ACTN4: variants seen among roughly 807,000 people sequenced by gnomAD.
ACTN4 encodes the protein alpha-actinin-4.
ACTN4 carries 18 observed loss-of-function variants against 114.2 expected under a neutral mutation model. The ratio of observed to expected loss-of-function variants is 0.16; its 90% confidence interval spans 0.11 to 0.23. The LOEUF (loss-of-function observed/expected upper bound fraction) is 0.23, where lower values mean the gene tolerates loss of function less well. Ranked by LOEUF, ACTN4 falls within the 10% of genes least tolerant of loss-of-function variation. ACTN4 has a pLI of 1.00. For synonymous variants in ACTN4, 515 were observed against 506.3 expected, an observed-to-expected ratio of 1.02 and a Z score of -0.23; for missense variants, 722 against 1,262.9, an observed-to-expected ratio of 0.57 and a Z score of 6.49.
At chr19:38,651,943 A>T (rs978344979) in intron 1 of ACTN4, among the ~76,000 whole-genome samples, 5 of 152,056 alleles carry the variant, frequency 3.3e-5, no homozygotes, top group Admixed American at 3.3e-4. Flanking sequence ...CATGTTGGCC[A>T]GGCTGGTCTG....
At position 38,727,111 on chromosome 19, in the gene ACTN4, G is replaced by A. The variant is rs1969260528; in HGVS notation, c.2337+8G>A. 6.2e-7 allele frequency: 1 copy of A among 1,613,652 alleles called. No individual in the cohort carries two copies. Among genetic ancestry groups the A allele is most frequent in the African/African-American group, 1.3e-5 (1 of 74,926 alleles). On this transcript the variant is annotated splice_region_variant and intron_variant, in intron 18 of 20. Transcript: ENST00000252699. This position sits in a 1 kb window ranked among gnomAD's most constrained non-coding sequence, Gnocchi z 5.4. Reference sequence around the variant, plus strand: ...TTCAACCACTTCGACAAGGTGAGCAGCCTGCCACCTCCTCGGCCTCTCCCC... The same window carrying A: ...TTCAACCACTTCGACAAGGTGAGCAACCTGCCACCTCCTCGGCCTCTCCCC...
Position 38,727,222 on chromosome 19 carries a change from T to G in ACTN4, c.2337+119T>G. The G allele has an allele frequency of 6.8e-7, 1 of 1,473,894 alleles. No individual in the cohort carries two copies. The highest frequency in any genetic ancestry group is 9.3e-7 in the Non-Finnish European group (1 of 1,078,242). The allele number at this position is 1,473,894 out of a possible 1,614,324, so 91.3% of individuals were successfully genotyped here. On this transcript the variant is annotated intron_variant, in intron 18 of 20. Transcript: ENST00000252699. This position sits in a 1 kb window ranked among gnomAD's most constrained non-coding sequence, Gnocchi z 5.4. ...ACAGTTGCTGAGCGTCGGCCGCCAC[T>G]CCCAGGGCCAGCAGGGCCCTGCCAC...
intron 12 of ACTN4, among the ~76,000 whole-genome samples, chr19:38,722,253 C>T (rs1298740097): frequency 4.6e-5 from 7 of 152,174 alleles, no homozygotes; most frequent in African/African-American, 7.2e-5. Context: ...ACCAGTGCAG[C>T]GGCCAGCAGC....
In ACTN4 at chr19:38,655,969, A is replaced by C. The variant is rs116139203; in HGVS notation, c.162+8062A>C. Among the ~76,000 whole-genome samples, 1,061 of 152,328 alleles carry C rather than the reference A, an allele frequency of 7.0e-3. 11 individuals are homozygous for C. The highest frequency in any genetic ancestry group is 0.024 in the African/African-American group (1,006 of 41,572). On this transcript the variant is annotated intron_variant, in intron 1 of 20. Coordinates refer to ENST00000252699, the MANE Select transcript of ACTN4 (RefSeq NM_004924.6). ...GTACATGTTCAGTGCAGATGCAACC[A>C]TTCATTTTTTTTCTTCCAGTATTTT...
intron 1 of ACTN4, among the ~76,000 whole-genome samples, chr19:38,686,795 G>A (rs1055908656): frequency 3.3e-4 from 51 of 152,264 alleles, no homozygotes; most frequent in African/African-American, 1.2e-3. Context: ...TGGTTGGTTG[G>A]TTGGTTGGTT....
At chr19:38,664,045 C>G (rs904057576) in intron 1 of ACTN4, among the ~76,000 whole-genome samples, 3 of 152,220 alleles carry the variant, frequency 2.0e-5, no homozygotes, top group Admixed American at 2.0e-4. Context: ...GATGACCACG[C>G]GCAGCCGGAA....
At position 38,730,696 on chromosome 19, in the gene ACTN4, G is replaced by T; in HGVS notation, c.*1264G>T. Reference sequence around the variant, plus strand: ...TTGTTTCTGAGTGAGGAGTACGCAGGCCAGAGTGGTCACCCGGCCGTGAGC... The same window carrying T: ...TTGTTTCTGAGTGAGGAGTACGCAGTCCAGAGTGGTCACCCGGCCGTGAGC... On this transcript the variant is annotated 3_prime_UTR_variant, in exon 21 of 21. Transcript: ENST00000252699. The T allele has an allele frequency of 1.2e-6, 1 of 842,578 alleles. No individual in the cohort carries two copies. 52.2% of individuals were successfully genotyped at this position (842,578 alleles called of 1,614,324 possible). A position where few individuals can be genotyped will look rare whatever the true frequency, so the allele number is the denominator to read the frequency against.
At chr19:38,651,853 T>C (rs1354627118) in intron 1 of ACTN4, among the ~76,000 whole-genome samples, 1 of 152,142 alleles carries the variant, frequency 6.6e-6, no homozygotes, top group East Asian at 1.9e-4. Context: ...TGCCTCAGCC[T>C]CCTGAGTAGC....
intron 1 of ACTN4, among the ~76,000 whole-genome samples, chr19:38,692,645 A>T (rs892204342): frequency 2.0e-5 from 3 of 152,216 alleles, no homozygotes; most frequent in Non-Finnish European, 4.4e-5. Flanking sequence ...TTCTGCTTTC[A>T]GGAACTGAAA....
At chr19:38,712,833 G>T (rs1968704060) in intron 8 of ACTN4, among the ~76,000 whole-genome samples, 2 of 152,178 alleles carry the variant, frequency 1.3e-5, no homozygotes, top group African/African-American at 2.4e-5. Context: ...GCTCCCCTGT[G>T]CTTAGGGCTG....
chr19:38,657,375 T>C (rs1976742581), intron 1 of ACTN4, among the ~76,000 whole-genome samples: 1 of 152,176 alleles, frequency 6.6e-6, no homozygotes, highest in Admixed American at 6.5e-5. Flanking sequence ...GCTCCTGACC[T>C]TAAGCGATCC....
intron 1 of ACTN4, among the ~76,000 whole-genome samples, chr19:38,683,658 C>T (rs1174037578): frequency 2.6e-5 from 4 of 152,190 alleles, no homozygotes; most frequent in African/African-American, 9.7e-5. Context: ...GCAGCTTTAT[C>T]GGGCGTTGCC....
Position 38,717,129 on chromosome 19 carries a change from G to A in ACTN4, c.956G>A (p.Arg319His), listed in dbSNP as rs1368362182. The A allele has an allele frequency of 2.5e-6, 4 of 1,614,158 alleles. No homozygotes were observed. Among genetic ancestry groups the A allele is most frequent in the East Asian group, 2.2e-5 (1 of 44,884 alleles). Residue 319 changes from arginine (R) to histidine (H), a missense_variant, in exon 10 of 21, where the codon CGT (arginine) becomes CAT (histidine). By Grantham distance (29) the Arg-to-His change is conservative (BLOSUM62 0). Around this residue, in one of 3 missense-constraint regions of ACTN4, gnomAD observed 523 missense variants for 875.9 expected, o/e 0.60. Coordinates refer to ENST00000252699, the MANE Select transcript of ACTN4 (RefSeq NM_004924.6). This position sits in a 1 kb window ranked among gnomAD's most constrained non-coding sequence, Gnocchi z 4.0. ...IRRTIPWLED[R>H]VPQKTIQEMQ... ...CGCACCATCCCCTGGCTGGAGGACC[G>A]TGTGCCCCAAAAGACTATCCAGGAG...
intron 1 of ACTN4, among the ~76,000 whole-genome samples, chr19:38,684,517 C>T (rs574485651): frequency 6.6e-6 from 1 of 152,322 alleles, no homozygotes; most frequent in East Asian, 1.9e-4. Context: ...AGCAGGGGCC[C>T]CTTTGTCCTT....
intron 17 of ACTN4, among the ~76,000 whole-genome samples, chr19:38,726,410 T>C (rs543615364): frequency 1.4e-4 from 22 of 152,346 alleles, no homozygotes; most frequent in Non-Finnish European, 2.9e-4. Flanking sequence ...CAAGCTGTTC[T>C]AGGGGCCCAC....
chr19:38,662,257 A>G (rs971358057), intron 1 of ACTN4, among the ~76,000 whole-genome samples: 9 of 152,194 alleles, frequency 5.9e-5, no homozygotes, highest in African/African-American at 2.2e-4. Flanking sequence ...AGGAACAGCA[A>G]CAGGGAGCTC....
chr19:38,716,974 C>G lies in ACTN4; in HGVS notation c.913-112C>G. ...TGGGCTGGGGAGCAGGGGTAACCCC[C>G]TAAGGTGGGGCCCTCAAAGATCCAG... On this transcript the variant is annotated intron_variant, in intron 9 of 20. Transcript: ENST00000252699. 4.8e-6 allele frequency: 6 copies of G among 1,239,106 alleles called. No homozygotes were observed. In the South Asian group the frequency reaches 7.7e-5, roughly 16 times the overall value. The allele number at this position is 1,239,106 out of a possible 1,614,324, so 76.8% of individuals were successfully genotyped here.
At position 38,703,485 on chromosome 19, in the gene ACTN4, C is replaced by G. The variant is rs12610656; in HGVS notation, c.398-1449C>G. ...ACTCCTGACCTCAGGCGATCCACAC[C>G]TGCCTCAGCCTCCCAAATTGCTGGG... On this transcript the variant is annotated intron_variant, in intron 3 of 20. Transcript: ENST00000252699. 2.0e-5 allele frequency among the ~76,000 whole-genome samples: 3 copies of G among 152,288 alleles called. No homozygotes were observed. The East Asian group carries it at 5.8e-4, about 29-fold the overall frequency.
intron 1 of ACTN4, among the ~76,000 whole-genome samples, chr19:38,657,095 C>T (rs1357557760): frequency 6.6e-6 from 1 of 151,988 alleles, no homozygotes. Flanking sequence ...TCAGCCTCAG[C>T]CTCCCTAGTA....
Sources: gnomAD v4.1 joint callset for allele counts (sites outside exome capture counted in the v4.1 genomes callset) on GRCh38, gnomAD v4.1.1 for gene constraint, gnomAD v4.1.1 regional missense constraint, Gnocchi (gnomAD v3.1) non-coding constraint, MANE v1.5 for transcripts, NCBI Gene and HGNC (gene_info 2026-07-23, HGNC 2026-07-21) for gene names.